UTY: variants seen among roughly 807,000 people sequenced by gnomAD.
UTY encodes ubiquitously transcribed tetratricopeptide repeat containing, Y-linked.
A neutral mutation model predicts 32.5 loss-of-function variants in UTY; 12 were observed. The observed-to-expected ratio is 0.37, with a 90% CI of 0.24 to 0.60. The LOEUF (loss-of-function observed/expected upper bound fraction) is 0.60, where lower values mean the gene tolerates loss of function less well. UTY is among the 20% of genes least tolerant of loss of function. UTY has a pLI of 0.69. For missense variants in UTY, 303 were observed against 299.2 expected, an observed-to-expected ratio of 1.01 and a Z score of -0.09; for synonymous variants, 131 against 103.4, an observed-to-expected ratio of 1.27 and a Z score of -1.62.
At chrY:13,305,302 C>T in intron 24 of UTY, 97 bp downstream of exon 24, 1 of 229,604 alleles carries the variant, frequency 4.4e-6, no homozygotes, top group Non-Finnish European at 6.7e-6. Context: ...ATCTTTTTGG[C>T]TTTAGAAGTA....
At chrY:13,350,886 G>A in intron 17 of UTY, among the ~76,000 whole-genome samples, 4 of 32,872 alleles carry the variant, frequency 1.2e-4, no homozygotes, top group Admixed American at 1.1e-3. Context: ...AATCGATCAC[G>A]ACCCTCTCAC....
At chrY:13,377,588 T>A (rs113575932) in intron 8 of UTY, among the ~76,000 whole-genome samples, 140 of 32,941 alleles carry the variant, frequency 4.3e-3, no homozygotes, top group African/African-American at 0.015. Flanking sequence ...GGCGGGCACC[T>A]GTAATCTCAG....
intron 4 of UTY, among the ~76,000 whole-genome samples, chrY:13,426,600 G>A (rs1050874599): frequency 5.5e-4 from 18 of 33,009 alleles, no homozygotes; most frequent in Admixed American, 1.1e-3. Flanking sequence ...AAGAAATATC[G>A]CATTCAATAG....
chrY:13,305,706 GACAA>G (rs2058640500), intron 23 of UTY, 159 bp from the exon 24 acceptor site: 1 of 179,635 alleles, frequency 5.6e-6, no homozygotes, highest in Non-Finnish European at 6.8e-6. Flanking sequence ...TAAGTCTTAA[GACAA>G]ACACAGATTA....
At chrY:13,247,938 T>C, downstream of UTY, among the ~76,000 whole-genome samples, 2 of 33,393 alleles carry the variant, frequency 6.0e-5, no homozygotes, top group African/African-American at 2.3e-4. Flanking sequence ...ATCTGTAGTT[T>C]TTGTTTGAGA....
chrY:13,380,793 C>T, intron 8 of UTY, among the ~76,000 whole-genome samples: 1 of 31,414 alleles, frequency 3.2e-5, no homozygotes, highest in South Asian at 7.0e-4. Context: ...CTAATGTTTA[C>T]AGGGGAAAAG....
intron 8 of UTY, among the ~76,000 whole-genome samples, chrY:13,390,762 AG>A (rs2067472385): frequency 1.8e-4 from 6 of 33,703 alleles, no homozygotes; most frequent in Admixed American, 5.4e-4. Flanking sequence ...TTATCCAAAA[AG>A]CTACAAAGCC....
intron 21 of UTY, among the ~76,000 whole-genome samples, chrY:13,315,151 T>C: frequency 8.9e-5 from 3 of 33,786 alleles, no homozygotes; most frequent in Admixed American, 8.1e-4. Context: ...CAAAATGTGG[T>C]ACATACTTAA....
intron 8 of UTY, among the ~76,000 whole-genome samples, chrY:13,376,057 G>C: frequency 3.0e-5 from 1 of 33,366 alleles, no homozygotes; most frequent in African/African-American, 1.2e-4. Context: ...AATTTACCTA[G>C]TAACATCTTT....
chrY:13,423,513 C>A, intron 4 of UTY, among the ~76,000 whole-genome samples: 1 of 33,126 alleles, frequency 3.0e-5, no homozygotes, highest in African/African-American at 1.2e-4. Context: ...ATGAGTAAAT[C>A]TTTCATTCTC....
At chrY:13,278,963 G>T (rs2056844010) in intron 27 of UTY, among the ~76,000 whole-genome samples, 1 of 34,075 alleles carries the variant, frequency 2.9e-5, no homozygotes, top group African/African-American at 1.2e-4. Context: ...GTTTGGGTCT[G>T]AACCAGTGCA....
chrY:13,258,432 C>T, intron 28 of UTY, among the ~76,000 whole-genome samples: 2 of 33,856 alleles, frequency 5.9e-5, no homozygotes, highest in Non-Finnish European at 1.5e-4. Flanking sequence ...AGTGGCACCT[C>T]AACCTCAAAT....
chrY:13,351,752 CAAAG>C (rs2062415704), intron 17 of UTY, among the ~76,000 whole-genome samples: 1 of 33,666 alleles, frequency 3.0e-5, no homozygotes, highest in African/African-American at 1.2e-4. Flanking sequence ...ACTGAAACCA[CAAAG>C]AAAGCAGTAT....
chrY:13,350,898 T>C, intron 17 of UTY, among the ~76,000 whole-genome samples: 1 of 32,973 alleles, frequency 3.0e-5, no homozygotes, highest in African/African-American at 1.2e-4. Flanking sequence ...CCCTCTCACA[T>C]GGACCCTCTT....
At chrY:13,410,764 A>G (rs2070797182) in intron 6 of UTY, among the ~76,000 whole-genome samples, 1 of 33,899 alleles carries the variant, frequency 2.9e-5, no homozygotes, top group Non-Finnish European at 7.4e-5. Flanking sequence ...TAAACAAAAC[A>G]AAAACTTTAA....
intron 27 of UTY, among the ~76,000 whole-genome samples, chrY:13,268,047 T>C (rs762023233): frequency 2.9e-3 from 93 of 32,533 alleles, no homozygotes; most frequent in Admixed American, 5.0e-3. Flanking sequence ...TCTCTGGGTA[T>C]TTCCTGAATT....
intron 6 of UTY, among the ~76,000 whole-genome samples, chrY:13,397,367 A>G: frequency 3.0e-5 from 1 of 33,730 alleles, no homozygotes; most frequent in African/African-American, 1.1e-4. Flanking sequence ...CTTGAACTTT[A>G]GAAAGTAACT....
At chrY:13,235,768 G>A (rs1023713085) in intron 28 of UTY, among the ~76,000 whole-genome samples, 2 of 33,308 alleles carry the variant, frequency 6.0e-5, no homozygotes, top group African/African-American at 1.2e-4. Flanking sequence ...CACTAAATGC[G>A]TGTATAGAAA....
chrY:13,261,763 G>A, intron 27 of UTY, among the ~76,000 whole-genome samples: 5 of 33,209 alleles, frequency 1.5e-4, no homozygotes, highest in African/African-American at 3.5e-4. Context: ...AATGTGGCAC[G>A]ACAAATTCCT....
Sources: allele counts gnomAD v4.1 joint callset (sites outside exome capture counted in the v4.1 genomes callset), GRCh38; gene constraint gnomAD v4.1.1; transcripts MANE v1.5; gene names NCBI Gene and HGNC (gene_info 2026-07-23, HGNC 2026-07-21).